GLMN: variants seen among roughly 807,000 people sequenced by gnomAD.
GLMN encodes glomulin.
GLMN carries 75 observed loss-of-function variants against 87.8 expected under a neutral mutation model. The observed-to-expected ratio is 0.85, with a 90% CI of 0.71 to 1.04. The LOEUF (loss-of-function observed/expected upper bound fraction) is 1.04, where lower values mean the gene tolerates loss of function less well. GLMN is among the 50% of genes least tolerant of loss of function. The pLI is 0.00. For missense variants in GLMN, 588 were observed against 658.8 expected (o/e 0.89, Z 1.18); for synonymous variants, 206 against 221.6 (o/e 0.93, Z 0.63).
At chr1:92,313,748 A>C in the GLMN span, among the ~76,000 whole-genome samples, 1 of 152,188 alleles carries the variant, frequency 6.6e-6, no homozygotes, top group African/African-American at 2.4e-5. Flanking sequence ...TCTTCCTCCA[A>C]TATAAGGCTG....
the GLMN span, among the ~76,000 whole-genome samples, chr1:92,331,119 T>G: frequency 6.6e-6 from 1 of 152,220 alleles, no homozygotes; most frequent in Non-Finnish European, 1.5e-5. Context: ...AAATTTTACT[T>G]TTTGAGACCA....
rs148512143 is a variant in GLMN at position 92,280,802 on chromosome 1, C to A, written c.735+5688G>T. ...CCTGATGGAGCTGAAAACCATGGCA[C>A]GAGAACTTCATGACGCATGCACAAG... On this transcript the variant is annotated intron_variant, in intron 7 of 18. Coordinates refer to ENST00000370360, the MANE Select transcript of GLMN (RefSeq NM_053274.3). 6.3e-4 allele frequency among the ~76,000 whole-genome samples: 96 copies of A among 152,166 alleles called. 2 individuals carry two copies. The highest frequency in any genetic ancestry group is 2.3e-3 in the African/African-American group (94 of 41,538).
the GLMN span, among the ~76,000 whole-genome samples, chr1:92,338,765 A>C: frequency 6.6e-6 from 1 of 150,930 alleles, no homozygotes; most frequent in Non-Finnish European, 1.5e-5. Flanking sequence ...CAGCCTGGCT[A>C]ATTTTTTTTT....
At chr1:92,307,342 GAT>G in the GLMN span, 1 of 1,074,530 alleles carries the variant, frequency 9.3e-7, no homozygotes, top group Non-Finnish European at 1.4e-6. Flanking sequence ...TGCTTTTTGA[GAT>G]TAGCTGAGAG....
chr1:92,323,332 C>G, the GLMN span: 1 of 628,486 alleles, frequency 1.6e-6, no homozygotes, highest in Non-Finnish European at 2.5e-6. Flanking sequence ...ATAAAAATTT[C>G]TACCTTGAAA....
chr1:92,332,270 T>C, the GLMN span, among the ~76,000 whole-genome samples: 1 of 152,110 alleles, frequency 6.6e-6, no homozygotes, highest in Non-Finnish European at 1.5e-5. Context: ...CATTAGTTCT[T>C]ACTTTTAAAT....
chr1:92,288,299 C>G (rs1649008654), intron 6 of GLMN, among the ~76,000 whole-genome samples: 1 of 152,148 alleles, frequency 6.6e-6, no homozygotes, highest in African/African-American at 2.4e-5. Flanking sequence ...CTACCTATAT[C>G]TATTTCCCAC....
chr1:92,310,655 G>A, the GLMN span, among the ~76,000 whole-genome samples: 7 of 152,166 alleles, frequency 4.6e-5, no homozygotes, highest in South Asian at 1.5e-3. Context: ...CCCAGCATTT[G>A]GGAGGCCGAG....
chr1:92,273,562 C>T (rs1011937156), intron 7 of GLMN, among the ~76,000 whole-genome samples: 1 of 151,464 alleles, frequency 6.6e-6, no homozygotes, highest in Non-Finnish European at 1.5e-5. Context: ...CCACCCTCCT[C>T]AGTCTCCTGA....
At chr1:92,314,918 G>A in the GLMN span, among the ~76,000 whole-genome samples, 2 of 149,488 alleles carry the variant, frequency 1.3e-5, no homozygotes, top group African/African-American at 2.5e-5. Flanking sequence ...GGTGGCTCAC[G>A]CCTGTAATCC....
At chr1:92,361,846 CT>C in the GLMN span, among the ~76,000 whole-genome samples, 2 of 126,234 alleles carry the variant, frequency 1.6e-5, no homozygotes, top group African/African-American at 6.1e-5. Flanking sequence ...ATGGACGTAA[CT>C]GTTTTCTGTG....
the GLMN span, among the ~76,000 whole-genome samples, chr1:92,321,037 TTAATA>T: frequency 6.6e-6 from 1 of 152,234 alleles, no homozygotes; most frequent in Non-Finnish European, 1.5e-5. Flanking sequence ...ATCTAAAGCA[TTAATA>T]TAAATTCCAA....
chr1:92,364,154 C>T, the GLMN span, among the ~76,000 whole-genome samples: 1 of 152,136 alleles, frequency 6.6e-6, no homozygotes, highest in South Asian at 2.1e-4. Context: ...CCAGATGAGG[C>T]TACAGATCAT....
intron 9 of GLMN, 149 bp downstream of exon 9, chr1:92,269,574 C>A: frequency 1.6e-6 from 1 of 636,058 alleles, no homozygotes. Context: ...TCATTTCTGT[C>A]TCTCTCGTGA....
At chr1:92,299,119 G>T, upstream of GLMN, 1 of 1,521,978 alleles carries the variant, frequency 6.6e-7, no homozygotes, top group Non-Finnish European at 8.8e-7. Context: ...CAAGGCCGGG[G>T]CTCCCCGCTG....
chr1:92,345,397 AAAAAG>A, the GLMN span, among the ~76,000 whole-genome samples: 48 of 146,870 alleles, frequency 3.3e-4, 1 homozygote, highest in Non-Finnish European at 6.4e-4. Context: ...AAAAAAAAAA[AAAAAG>A]AGAGAGAGAG....
the GLMN span, chr1:92,304,363 C>T: frequency 2.1e-6 from 3 of 1,445,258 alleles, no homozygotes; most frequent in Non-Finnish European, 2.8e-6. Context: ...AGTTTAAAGG[C>T]TTTCATTGTG....
chr1:92,339,650 A>T, the GLMN span, among the ~76,000 whole-genome samples: 1 of 151,550 alleles, frequency 6.6e-6, no homozygotes, highest in Admixed American at 6.6e-5. Context: ...ACATCTAAGG[A>T]CCTCTTTATT....
chr1:92,299,284 T>A, upstream of GLMN: 1 of 460,748 alleles, frequency 2.2e-6, no homozygotes, highest in Non-Finnish European at 3.9e-6. Flanking sequence ...GCCGAAAGCT[T>A]CCCACCGCCG....
Sources: allele counts gnomAD v4.1 joint callset (sites outside exome capture counted in the v4.1 genomes callset), GRCh38; gene constraint gnomAD v4.1.1; transcripts MANE v1.5; gene names NCBI Gene and HGNC (gene_info 2026-07-23, HGNC 2026-07-21).